JAK2: variants seen among roughly 807,000 people sequenced by gnomAD.
JAK2 encodes tyrosine-protein kinase JAK2.
Under a neutral mutation model 139.3 loss-of-function variants are expected in JAK2, and 86 were observed. The ratio of observed to expected loss-of-function variants is 0.62; its 90% CI spans 0.52 to 0.74. JAK2 has a LOEUF of 0.74. JAK2 is among the 30% of genes least tolerant of loss of function. The probability of loss-of-function intolerance (pLI) is 0.00; values close to 1 mark genes in which losing one functional copy is unlikely to be tolerated. For missense variants in JAK2, 1,421 were observed against 1,360.3 expected, an observed-to-expected ratio of 1.04 and a Z score of -0.70; for synonymous variants, 490 against 437.7, an observed-to-expected ratio of 1.12 and a Z score of -1.49.
At chr9:5,118,130 C>T (rs529290875) in intron 22 of JAK2, among the ~76,000 whole-genome samples, 28 of 152,308 alleles carry the variant, frequency 1.8e-4, no homozygotes, top group Non-Finnish European at 2.9e-4. Context: ...CACTGCACTC[C>T]AGCCTGGGCG....
intron 12 of JAK2, among the ~76,000 whole-genome samples, chr9:5,072,262 G>A (rs1025643040): frequency 1.3e-5 from 2 of 152,094 alleles, no homozygotes; most frequent in Admixed American, 6.6e-5. Context: ...TTTCAAAACC[G>A]AGTAGAGCCA....
chr9:5,105,010 G>A (rs980813430), intron 22 of JAK2, among the ~76,000 whole-genome samples: 12 of 152,198 alleles, frequency 7.9e-5, no homozygotes, highest in African/African-American at 2.7e-4. Context: ...AGACAAGGAT[G>A]CCCTCTGTCA....
chr9:4,993,287 T>G (rs1279948762), intron 2 of JAK2, among the ~76,000 whole-genome samples: 1 of 152,218 alleles, frequency 6.6e-6, no homozygotes, highest in Non-Finnish European at 1.5e-5. Context: ...ATTTAGATCT[T>G]AAGAAAGGAT....
chr9:5,063,119 G>T (rs1438164553), intron 8 of JAK2, among the ~76,000 whole-genome samples: 2 of 151,988 alleles, frequency 1.3e-5, no homozygotes, highest in Non-Finnish European at 2.9e-5. Context: ...TTTGGTTGAG[G>T]ACTCTATTCT....
In JAK2 at chr9:4,994,273, C is replaced by T. The variant is rs372187106; in HGVS notation, c.-26+8251C>T. Among the ~76,000 whole-genome samples the T allele has an allele frequency of 2.8e-3, 431 of 152,290 alleles. 2 individuals carry two copies. The highest frequency in any genetic ancestry group is 0.01 in the African/African-American group (416 of 41,558). On this transcript the variant is annotated intron_variant, in intron 2 of 24. Transcript: ENST00000381652. ...TGTTACACATTGTTTCACTTAAAGT[C>T]ACAGTTTCCAAGAACCTATTGAAGA...
At chr9:5,098,944 T>G (rs1037454582) in intron 22 of JAK2, 1 of 152,182 alleles carries the variant, frequency 6.6e-6, no homozygotes, top group Non-Finnish European at 1.5e-5. Flanking sequence ...TCCACCCACT[T>G]CAGCCTCCCA....
intron 2 of JAK2, among the ~76,000 whole-genome samples, chr9:5,003,625 A>C (rs755498750): frequency 6.6e-6 from 1 of 152,056 alleles, no homozygotes; most frequent in Non-Finnish European, 1.5e-5. Context: ...TAAATTTCCT[A>C]CATATACAGA....
chr9:5,056,632 T>C (rs1443383861), intron 8 of JAK2, among the ~76,000 whole-genome samples: 2 of 152,122 alleles, frequency 1.3e-5, no homozygotes, highest in Non-Finnish European at 2.9e-5. Flanking sequence ...TTATGTGTGT[T>C]TGTACCCCCT....
At position 5,126,728 on chromosome 9, in the gene JAK2, A is replaced by G. The variant is rs552798129; in HGVS notation, c.3336A>G (p.Gln1112=). 6.2e-6 allele frequency: 10 copies of G among 1,611,314 alleles called. No individual in the cohort carries two copies. The highest frequency in any genetic ancestry group is 2.7e-5 in the African/African-American group (2 of 74,936). The change falls in exon 25 of 25, where the codon CAA becomes CAG. Residue 1112 remains glutamine (Q), a synonymous_variant. Coordinates refer to ENST00000381652, the MANE Select transcript of JAK2 (RefSeq NM_004972.4). ...MTECWNNNVN[Q]RPSFRDLALR... Reference sequence around the variant, plus strand: ...AATGCTGGAACAATAATGTAAATCAACGCCCCTCCTTTAGGGATCTAGCTC... The same window carrying G: ...AATGCTGGAACAATAATGTAAATCAGCGCCCCTCCTTTAGGGATCTAGCTC...
chr9:4,990,039 A>G (rs1462106260), intron 2 of JAK2, among the ~76,000 whole-genome samples: 2 of 152,226 alleles, frequency 1.3e-5, no homozygotes, highest in Non-Finnish European at 2.9e-5. Flanking sequence ...TGGTAGAAAG[A>G]GGTAGGAAAA....
Position 5,018,654 on chromosome 9 carries a change from A to G in JAK2, c.-25-3309A>G, listed in dbSNP as rs148374304. 3.8e-3 allele frequency among the ~76,000 whole-genome samples: 573 copies of G among 152,252 alleles called. 1 individual carries two copies. Among genetic ancestry groups the G allele is most frequent in the Non-Finnish European group, 6.3e-3 (430 of 68,004 alleles). On this transcript the variant is annotated intron_variant, in intron 2 of 24. Coordinates refer to ENST00000381652, the MANE Select transcript of JAK2 (RefSeq NM_004972.4). ...GTGCCTGGCCTGACATTGTTCTTTG[A>G]CTTCCATATGTAGAACTCCCTCAAG...
intron 2 of JAK2, among the ~76,000 whole-genome samples, chr9:5,017,922 T>G (rs964936131): frequency 2.0e-5 from 3 of 152,246 alleles, no homozygotes; most frequent in Non-Finnish European, 2.9e-5. Context: ...TAAAGTCTGT[T>G]GTATCTGATA....
At chr9:5,083,177 CCTTT>C (rs1442481910) in intron 19 of JAK2, among the ~76,000 whole-genome samples, 1 of 150,862 alleles carries the variant, frequency 6.6e-6, no homozygotes, top group Non-Finnish European at 1.5e-5. Context: ...TTTCTGCCTG[CCTTT>C]CTGCCTTTAG....
At chr9:5,057,553 C>T (rs1403346262) in intron 8 of JAK2, among the ~76,000 whole-genome samples, 2 of 150,580 alleles carry the variant, frequency 1.3e-5, no homozygotes, top group African/African-American at 2.4e-5. Flanking sequence ...CCCCTCTTCC[C>T]AATCCTTGCA....
At chr9:5,109,660 A>G (rs1489098799) in intron 22 of JAK2, 1 of 152,180 alleles carries the variant, frequency 6.6e-6, no homozygotes, top group Admixed American at 6.5e-5. Context: ...TATACAGACC[A>G]AGAAGTCATT....
chr9:5,000,882 T>C (rs1451554550), intron 2 of JAK2, among the ~76,000 whole-genome samples: 5 of 152,206 alleles, frequency 3.3e-5, no homozygotes, highest in Admixed American at 3.3e-4. Context: ...ATATGAAAAG[T>C]TGCCCTCACT....
At chr9:5,114,253 G>A in intron 22 of JAK2, 1 of 540,284 alleles carries the variant, frequency 1.9e-6, no homozygotes, top group Non-Finnish European at 3.7e-6. Flanking sequence ...ACAATCACCT[G>A]TCTGGTGGTG....
intron 15 of JAK2, 77 bp from the exon 16 acceptor site, chr9:5,078,229 T>G: frequency 1.6e-6 from 2 of 1,214,246 alleles, no homozygotes; most frequent in Non-Finnish European, 1.2e-6. Context: ...TTAAATCTGT[T>G]TTGGGGGCTT....
chr9:5,111,689 G>A (rs576460965), intron 22 of JAK2: 34 of 427,300 alleles, frequency 8.0e-5, no homozygotes, highest in South Asian at 4.8e-4. Flanking sequence ...CAGTGGCGGA[G>A]GCAGCAGCAC....
Sources: allele counts gnomAD v4.1 joint callset (sites outside exome capture counted in the v4.1 genomes callset), GRCh38; gene constraint gnomAD v4.1.1; transcripts MANE v1.5; gene names NCBI Gene and HGNC (gene_info 2026-07-23, HGNC 2026-07-21).